Variants in CELF4 observed in about 807,000 individuals in gnomAD.
CELF4 encodes CUG-BP- and ETR-3-like factor 4.
A neutral mutation model predicts 59.9 loss-of-function variants in CELF4; 18 were observed. That is an observed-to-expected ratio of 0.30 (90% CI 0.21 to 0.45). The LOEUF is 0.45. Ranked by LOEUF, CELF4 falls within the 20% of genes least tolerant of loss-of-function variation. The probability of loss-of-function intolerance (pLI) is 1.00; values close to 1 mark genes in which losing one functional copy is unlikely to be tolerated. For missense variants in CELF4, 456 were observed against 689.0 expected, an observed-to-expected ratio of 0.66 and a Z score of 3.79; for synonymous variants, 261 against 267.1, an observed-to-expected ratio of 0.98 and a Z score of 0.22.
At chr18:37,441,600 G>A (rs1458543470) in intron 2 of CELF4, among the ~76,000 whole-genome samples, 3 of 152,278 alleles carry the variant, frequency 2.0e-5, no homozygotes, top group African/African-American at 4.8e-5. Context: ...GGGACGAGGT[G>A]GCAGCCAGGG....
intron 1 of CELF4, among the ~76,000 whole-genome samples, chr18:37,500,906 G>A (rs996308047): frequency 1.3e-5 from 2 of 152,172 alleles, no homozygotes; most frequent in African/African-American, 2.4e-5. Flanking sequence ...GCTGAAGCAC[G>A]TAGGGTGAGG....
chr18:37,548,916 G>A (rs929371182), intron 1 of CELF4, among the ~76,000 whole-genome samples: 5 of 152,194 alleles, frequency 3.3e-5, no homozygotes, highest in Non-Finnish European at 5.9e-5. Context: ...CAGGAGCCCT[G>A]CAACATCCAG....
At chr18:37,534,396 C>T (rs966804837) in intron 1 of CELF4, among the ~76,000 whole-genome samples, 1 of 152,164 alleles carries the variant, frequency 6.6e-6, no homozygotes, top group Non-Finnish European at 1.5e-5. Context: ...GGGCAGGCCG[C>T]TGTCCCTCGG....
intron 2 of CELF4, among the ~76,000 whole-genome samples, chr18:37,410,687 G>T (rs1459355360): frequency 9.2e-5 from 14 of 152,216 alleles, no homozygotes; most frequent in Admixed American, 6.5e-5. Flanking sequence ...ATCGCATATT[G>T]TATGCCTGTG....
rs541281632 is a variant in CELF4 at position 37,337,850 on chromosome 18, A to G, written c.370-15969T>C. 2.8e-3 allele frequency among the ~76,000 whole-genome samples: 423 copies of G among 152,336 alleles called. 1 individual carries two copies. The highest frequency in any genetic ancestry group is 4.1e-3 in the Non-Finnish European group (278 of 68,024). ...ACAGGATTCTTGGTTTAGTTCTTCTAGAAAAGTTGTGAAGCAGAAACAAGT... is the reference window on the plus strand; with the variant it reads ...ACAGGATTCTTGGTTTAGTTCTTCTGGAAAAGTTGTGAAGCAGAAACAAGT... On this transcript the variant is annotated intron_variant, in intron 2 of 12. Coordinates refer to ENST00000420428, the MANE Select transcript of CELF4 (RefSeq NM_020180.4).
chr18:37,438,925 A>G (rs1020171938), intron 2 of CELF4, among the ~76,000 whole-genome samples: 2 of 152,182 alleles, frequency 1.3e-5, no homozygotes, highest in African/African-American at 2.4e-5. Flanking sequence ...TTAACCAGAT[A>G]TTCAGAAAGA....
At chr18:37,361,053 T>C (rs1271032163) in intron 2 of CELF4, among the ~76,000 whole-genome samples, 2 of 152,040 alleles carry the variant, frequency 1.3e-5, no homozygotes, top group Non-Finnish European at 2.9e-5. Flanking sequence ...TCCCCACTCA[T>C]GTTGGGGCCC....
In CELF4 at chr18:37,244,517, T is replaced by C. The variant is rs1160787173; in HGVS notation, c.*725A>G. ...CGCCTCTCAAAGTATCAAAGAACTA[T>C]TATCTTGCTGTTTTAAAAGCATTGA... On this transcript the variant is annotated 3_prime_UTR_variant, in exon 13 of 13. Transcript: ENST00000420428. The C allele has an allele frequency of 6.6e-6, 1 of 152,606 alleles. No individual in the cohort carries two copies. The highest frequency in any genetic ancestry group is 2.4e-5 in the African/African-American group (1 of 41,466). The allele number at this position is 152,606 out of a possible 1,614,324, so 9.5% of individuals were successfully genotyped here. A position where few individuals can be genotyped will look rare whatever the true frequency, so the allele number is the denominator to read the frequency against.
chr18:37,425,060 T>C lies in CELF4; in HGVS notation c.369+60465A>G, dbSNP rs1395330829. Among the ~76,000 whole-genome samples, 3 of 152,198 alleles carry C rather than the reference T, an allele frequency of 2.0e-5. No individual in the cohort carries two copies. In the East Asian group the frequency reaches 5.8e-4, roughly 29 times the overall value. On this transcript the variant is annotated intron_variant, in intron 2 of 12. Transcript: ENST00000420428. Reference sequence around the variant, plus strand: ...CTGGGCATTTGGTCACATCCTATATTGCTGTGGGACCCAATTGTCATTTGT... The same window carrying C: ...CTGGGCATTTGGTCACATCCTATATCGCTGTGGGACCCAATTGTCATTTGT...
chr18:37,490,930 G>A (rs143269182), intron 1 of CELF4, among the ~76,000 whole-genome samples: 33 of 152,218 alleles, frequency 2.2e-4, no homozygotes, highest in East Asian at 1.7e-3. Flanking sequence ...AGGGGTCAGC[G>A]CTTTCTGTCC....
chr18:37,475,340 G>T (rs1391499730), intron 2 of CELF4, among the ~76,000 whole-genome samples: 1 of 152,222 alleles, frequency 6.6e-6, no homozygotes, highest in Non-Finnish European at 1.5e-5. Context: ...AAGGGTGGTG[G>T]CTGCTGTTTG....
intron 1 of CELF4, among the ~76,000 whole-genome samples, chr18:37,504,410 C>T (rs191840275): frequency 7.4e-5 from 11 of 148,828 alleles, no homozygotes; most frequent in African/African-American, 1.3e-4. Context: ...GCCGAGATCA[C>T]GCCACTTCAC....
chr18:37,526,729 G>A (rs533454581), intron 1 of CELF4, among the ~76,000 whole-genome samples: 1 of 152,296 alleles, frequency 6.6e-6, no homozygotes, highest in Non-Finnish European at 1.5e-5. Context: ...ATTCCAAAGG[G>A]CAGGAAGAAA....
intron 1 of CELF4, among the ~76,000 whole-genome samples, chr18:37,535,873 T>A (rs1324893980): frequency 6.6e-6 from 1 of 152,192 alleles, no homozygotes; most frequent in Non-Finnish European, 1.5e-5. Context: ...TAACCTTTCC[T>A]GGTCTCTTTT....
intron 2 of CELF4, among the ~76,000 whole-genome samples, chr18:37,323,675 C>G (rs2097201195): frequency 6.6e-6 from 1 of 152,186 alleles, no homozygotes; most frequent in African/African-American, 2.4e-5. Context: ...CATTCTTCTC[C>G]CCCAAACAGG....
intron 2 of CELF4, among the ~76,000 whole-genome samples, chr18:37,340,462 GGGA>G (rs1404658905): frequency 1.2e-4 from 19 of 152,326 alleles, no homozygotes; most frequent in African/African-American, 4.1e-4. Flanking sequence ...CTCTGAATTG[GGGA>G]TGAGCCTGGG....
chr18:37,559,313 C>T (rs1322533689), intron 1 of CELF4, among the ~76,000 whole-genome samples: 1 of 152,136 alleles, frequency 6.6e-6, no homozygotes, highest in East Asian at 1.9e-4. Flanking sequence ...TGTATGCACA[C>T]ACACATGCTC....
At chr18:37,278,446 C>G (rs924441895) in intron 3 of CELF4, among the ~76,000 whole-genome samples, 1 of 152,214 alleles carries the variant, frequency 6.6e-6, no homozygotes, top group Non-Finnish European at 1.5e-5. Flanking sequence ...TCTCTCAGAC[C>G]AGGGGCTGGA....
At chr18:37,304,485 A>G (rs1190501884) in intron 3 of CELF4, among the ~76,000 whole-genome samples, 3 of 152,214 alleles carry the variant, frequency 2.0e-5, no homozygotes, top group Non-Finnish European at 4.4e-5. Flanking sequence ...GTAACCTGGG[A>G]GGGCTTCATG....
Sources: allele counts gnomAD v4.1 joint callset (sites outside exome capture counted in the v4.1 genomes callset), GRCh38; gene constraint gnomAD v4.1.1; transcripts MANE v1.5; gene names NCBI Gene and HGNC (gene_info 2026-07-23, HGNC 2026-07-21).